CFAP61: variants seen among roughly 807,000 people sequenced by gnomAD.
CFAP61 encodes the protein cilia and flagella associated protein 61.
In CFAP61, 107 loss-of-function variants were observed where a neutral mutation model predicts 135.6. The ratio of observed to expected loss-of-function variants is 0.79; its 90% CI spans 0.67 to 0.93. The LOEUF is 0.93. Among genes scored for constraint, CFAP61 ranks in the 40% least tolerant of loss-of-function variants. The pLI, the probability that CFAP61 is intolerant of heterozygous loss-of-function variation, is 0.00. For missense variants in CFAP61, 1,507 were observed against 1,556.2 expected (o/e 0.97, Z 0.53); for synonymous variants, 575 against 578.5 (o/e 0.99, Z 0.09).
intron 18 of CFAP61, among the ~76,000 whole-genome samples, chr20:20,244,954 C>G (rs2050324192): frequency 6.6e-6 from 1 of 152,262 alleles, no homozygotes; most frequent in African/African-American, 2.4e-5. Context: ...TGCCACCAAT[C>G]TCTTTGCTAA....
chr20:20,207,827 T>C (rs1376999869), intron 17 of CFAP61, among the ~76,000 whole-genome samples: 1 of 152,228 alleles, frequency 6.6e-6, no homozygotes, highest in Admixed American at 6.5e-5. Flanking sequence ...TTACCTTTGT[T>C]AATATTCTGG....
In CFAP61 at chr20:20,164,145, C is replaced by T. The variant is rs1425097214; in HGVS notation, c.1122C>T (p.Pro374=). 4.3e-6 allele frequency: 7 copies of T among 1,613,948 alleles called. No individual in the cohort carries two copies. The highest frequency in any genetic ancestry group is 3.3e-5 in the South Asian group (3 of 91,072). The change falls in exon 11 of 27, where the codon CCC becomes CCT. Residue 374 remains proline, a synonymous_variant. Coordinates refer to ENST00000245957, the MANE Select transcript of CFAP61 (RefSeq NM_015585.4). The stretch of plus-strand genomic sequence containing the variant: ...CATCGCTCGTACTGCCTGAAGAGCC[C>T]GTCCACTTCCGCCCCATCTACAGGG... ...SLASLVLPEE[P]VHFRPIYRGA...
At chr20:20,337,510 A>G (rs1469683950) in intron 25 of CFAP61, among the ~76,000 whole-genome samples, 593 of 4,128 alleles carry the variant, frequency 0.14, 4 homozygotes, top group Non-Finnish European at 0.27. Context: ...GGATGGATAA[A>G]TGGATGGATG....
intron 7 of CFAP61, 117 bp downstream of exon 7, chr20:20,091,093 G>T (rs2146616599): frequency 8.6e-7 from 1 of 1,159,406 alleles, no homozygotes; most frequent in Non-Finnish European, 1.3e-6. Context: ...GGCCACCCCG[G>T]CCCTCCCACT....
chr20:20,102,268 G>A (rs116435626), intron 8 of CFAP61, among the ~76,000 whole-genome samples: 76 of 152,342 alleles, frequency 5.0e-4, no homozygotes, highest in African/African-American at 1.8e-3. Flanking sequence ...TGAGGCAAGT[G>A]AGACCAAGAC....
intron 9 of CFAP61, among the ~76,000 whole-genome samples, chr20:20,157,985 G>A (rs1014103805): frequency 4.0e-5 from 6 of 151,312 alleles, no homozygotes; most frequent in East Asian, 3.9e-4. Flanking sequence ...GTAAACTATC[G>A]CAAGAACAAA....
intron 7 of CFAP61, among the ~76,000 whole-genome samples, chr20:20,093,262 A>G (rs2047333077): frequency 6.6e-6 from 1 of 152,142 alleles, no homozygotes; most frequent in African/African-American, 2.4e-5. Flanking sequence ...TAGAATAGAC[A>G]CTTCTGTAGA....
intron 1 of CFAP61, among the ~76,000 whole-genome samples, chr20:20,053,880 T>A (rs2043999573): frequency 6.6e-6 from 1 of 152,194 alleles, no homozygotes; most frequent in Admixed American, 6.5e-5. Flanking sequence ...AATGAATCAT[T>A]GGTTTAATCA....
chr20:20,189,034 AT>A (rs1467448827), intron 14 of CFAP61, among the ~76,000 whole-genome samples: 1 of 152,190 alleles, frequency 6.6e-6, no homozygotes, highest in Non-Finnish European at 1.5e-5. Flanking sequence ...AGCATGAGGT[AT>A]TTCATGGCAT....
At chr20:20,205,345 A>G (rs1601392884) in intron 17 of CFAP61, among the ~76,000 whole-genome samples, 5 of 152,316 alleles carry the variant, frequency 3.3e-5, no homozygotes, top group African/African-American at 7.2e-5. Flanking sequence ...CAGGCTTGCC[A>G]GGAGAGCAGG....
chr20:20,189,100 C>A (rs2055723839), intron 14 of CFAP61, among the ~76,000 whole-genome samples: 3 of 152,102 alleles, frequency 2.0e-5, no homozygotes, highest in Non-Finnish European at 4.4e-5. Context: ...CAGGGAGTTC[C>A]AGTTATTTGC....
At chr20:20,159,888 C>T (rs1339460896) in intron 10 of CFAP61, among the ~76,000 whole-genome samples, 2 of 152,232 alleles carry the variant, frequency 1.3e-5, no homozygotes, top group South Asian at 2.1e-4. Context: ...GTCCTCCCTC[C>T]TGTTACAAAT....
chr20:20,131,802 C>T (rs2146721830), intron 8 of CFAP61, among the ~76,000 whole-genome samples: 1 of 152,054 alleles, frequency 6.6e-6, no homozygotes, highest in African/African-American at 2.4e-5. Context: ...TTAGCTGCAA[C>T]CCACAAGTTT....
Position 20,191,667 on chromosome 20 carries a change from A to G in CFAP61, c.1590+248A>G, listed in dbSNP as rs1011383829. The stretch of plus-strand genomic sequence containing the variant: ...ACATTCTCACCCTAAAAACTCAGAT[A>G]GCTTTCCACCACCTATACATATATT... On this transcript the variant is annotated intron_variant, in intron 15 of 26. Coordinates refer to ENST00000245957, the MANE Select transcript of CFAP61 (RefSeq NM_015585.4). 8.6e-5 allele frequency among the ~76,000 whole-genome samples: 13 copies of G among 151,660 alleles called. 2 individuals are homozygous for G. Among genetic ancestry groups the G allele is most frequent in the African/African-American group, 3.2e-4 (13 of 40,974 alleles).
rs1386929490 is a variant in CFAP61 at position 20,263,074 on chromosome 20, A to G, written c.2447A>G (p.Glu816Gly). The G allele has an allele frequency of 6.2e-7, 1 of 1,613,990 alleles. No individual in the cohort carries two copies. Among genetic ancestry groups the G allele is most frequent in the African/African-American group, 1.3e-5 (1 of 74,914 alleles). ...TGCAACCATTTCACTCTCAACGAGGAAGAGGATTGCTTTAAGGCACTGATT... is the reference window on the plus strand; with the variant it reads ...TGCAACCATTTCACTCTCAACGAGGGAGAGGATTGCTTTAAGGCACTGATT... ...VPCNHFTLNE[E>G]EDCFKALIWI... The change falls in exon 21 of 27, where the codon GAA (glutamate) becomes GGA (glycine). Residue 816 changes from glutamate to glycine, a missense_variant. Transcript: ENST00000245957.
chr20:20,173,924 ATTCTT>A (rs540550650), intron 13 of CFAP61, among the ~76,000 whole-genome samples: 9 of 152,280 alleles, frequency 5.9e-5, no homozygotes, highest in African/African-American at 1.9e-4. Context: ...TTACATTCAT[ATTCTT>A]TTCTTTCACA....
At chr20:20,064,032 A>ACCCACCCC (rs373522191) in intron 2 of CFAP61, among the ~76,000 whole-genome samples, 1 of 113,218 alleles carries the variant, frequency 8.8e-6, no homozygotes, top group African/African-American at 2.9e-5. Context: ...AAATAGAGTA[A>ACCCACCCC]CCGCCCCCCA....
intron 8 of CFAP61, among the ~76,000 whole-genome samples, chr20:20,127,364 G>T (rs772399045): frequency 2.6e-5 from 4 of 151,752 alleles, no homozygotes; most frequent in Non-Finnish European, 5.9e-5. Context: ...CAGAGGGAAA[G>T]TCTAGGGCTG....
chr20:20,356,607 C>G (rs1480909887), intron 26 of CFAP61, among the ~76,000 whole-genome samples: 6 of 40,914 alleles, frequency 1.5e-4, no homozygotes, highest in Admixed American at 2.1e-4. Flanking sequence ...GGTGGTCACA[C>G]TGTGAGGGGA....
Sources: allele counts gnomAD v4.1 joint callset (sites outside exome capture counted in the v4.1 genomes callset), GRCh38; gene constraint gnomAD v4.1.1; transcripts MANE v1.5; gene names NCBI Gene and HGNC (gene_info 2026-07-23, HGNC 2026-07-21).